The following ADAMTS18 variants were observed in gnomAD, a reference collection of about 807,000 sequenced individuals.
The protein encoded by ADAMTS18 is A disintegrin and metalloproteinase with thrombospondin motifs 18.
A neutral mutation model predicts 165.9 loss-of-function variants in ADAMTS18; 157 were observed. The observed-to-expected ratio is 0.95, with a 90% CI of 0.83 to 1.08. The LOEUF is 1.08. Among genes scored for constraint, ADAMTS18 ranks in the 50% least tolerant of loss-of-function variants. The pLI, the probability that ADAMTS18 is intolerant of heterozygous loss-of-function variation, is 0.00. For synonymous variants in ADAMTS18, 782 were observed against 578.2 expected (o/e 1.35, Z -5.06); for missense variants, 2,040 against 1,534.0 (o/e 1.33, Z -5.51).
Position 77,434,414 on chromosome 16 carries a change from G to C in ADAMTS18, c.178+4C>G. 5.1e-6 allele frequency: 8 copies of C among 1,568,026 alleles called. No homozygotes were observed. The highest frequency in any genetic ancestry group is 6.9e-6 in the Non-Finnish European group (8 of 1,163,220). On this transcript the variant is annotated splice_donor_region_variant and intron_variant, in intron 2 of 22. Transcript: ENST00000282849. The stretch of plus-strand genomic sequence containing the variant: ...CTTCTTGGGGATGGGGGGCAAATAC[G>C]AACCATCATTTAATCCGCTGGCGCC...
intron 16 of ADAMTS18, among the ~76,000 whole-genome samples, chr16:77,307,120 C>T (rs891512874): frequency 7.9e-5 from 12 of 152,162 alleles, no homozygotes; most frequent in African/African-American, 2.9e-4. Context: ...AATCAATTTT[C>T]CCCTGGATTT....
chr16:77,364,087 T>C (rs1597174550), intron 5 of ADAMTS18, 101 bp downstream of exon 5: 2 of 1,478,676 alleles, frequency 1.4e-6, no homozygotes, highest in East Asian at 2.3e-5. Flanking sequence ...TGCAATTACA[T>C]TTGCACCGAC....
intron 12 of ADAMTS18, among the ~76,000 whole-genome samples, chr16:77,332,812 T>A (rs1369650204): frequency 6.6e-6 from 1 of 152,220 alleles, no homozygotes; most frequent in Non-Finnish European, 1.5e-5. Context: ...CACAGCTGAT[T>A]TGACTAGTTG....
At chr16:77,402,520 T>G (rs2057344280) in intron 3 of ADAMTS18, among the ~76,000 whole-genome samples, 2 of 152,170 alleles carry the variant, frequency 1.3e-5, no homozygotes, top group Non-Finnish European at 2.9e-5. Context: ...TGAATCTACT[T>G]GTAAGCGGTG....
rs113600553 is a variant in ADAMTS18 at position 77,326,781 on chromosome 16, C to T, written c.1860-743G>A. 6.8e-3 allele frequency among the ~76,000 whole-genome samples: 1,030 copies of T among 152,282 alleles called. 10 individuals carry two copies. The highest frequency in any genetic ancestry group is 0.011 in the Non-Finnish European group (746 of 68,024). On this transcript the variant is annotated intron_variant, in intron 12 of 22. Transcript: ENST00000282849. ...AAAGTTTTGTTATACAGTTAAATTG[C>T]GTCTCGCAGGGGTTTGGTATACAGA...
chr16:77,330,929 G>C (rs1009026086), intron 12 of ADAMTS18, among the ~76,000 whole-genome samples: 1 of 152,020 alleles, frequency 6.6e-6, no homozygotes, highest in African/African-American at 2.4e-5. Flanking sequence ...CTTGAAATAG[G>C]GAGAAAAAAC....
intron 3 of ADAMTS18, among the ~76,000 whole-genome samples, chr16:77,385,435 C>T (rs1171646538): frequency 3.3e-5 from 5 of 152,190 alleles, no homozygotes; most frequent in East Asian, 1.9e-4. Context: ...GCATCTACCA[C>T]ATTTGCAAGA....
chr16:77,284,595 G>C (rs2055212506), intron 22 of ADAMTS18, among the ~76,000 whole-genome samples: 2 of 152,106 alleles, frequency 1.3e-5, no homozygotes, highest in African/African-American at 4.8e-5. Context: ...GCAGGATTTA[G>C]ATGCCAAGAA....
intron 2 of ADAMTS18, chr16:77,432,428 C>G (rs2057750472): frequency 6.6e-6 from 1 of 152,136 alleles, no homozygotes; most frequent in Non-Finnish European, 1.5e-5. Flanking sequence ...ACCACTGCTC[C>G]CTAGAGCAGT....
chr16:77,286,309 C>T (rs981914497), intron 22 of ADAMTS18, among the ~76,000 whole-genome samples: 6 of 152,154 alleles, frequency 3.9e-5, no homozygotes, highest in African/African-American at 9.7e-5. Context: ...CTCACCCCTT[C>T]ACCCCTGCTA....
intron 16 of ADAMTS18, among the ~76,000 whole-genome samples, chr16:77,319,420 A>C (rs528461766): frequency 6.6e-6 from 1 of 152,218 alleles, no homozygotes; most frequent in South Asian, 2.1e-4. Context: ...ACACTTTGAA[A>C]TTTAGCCTAT....
chr16:77,422,969 G>A (rs1379773323), intron 3 of ADAMTS18, among the ~76,000 whole-genome samples: 2 of 152,180 alleles, frequency 1.3e-5, no homozygotes, highest in Non-Finnish European at 2.9e-5. Flanking sequence ...GTCCTGTTCA[G>A]ACACCTTGAG....
chr16:77,325,790 G>A lies in ADAMTS18; in HGVS notation c.2032+76C>T, dbSNP rs886160903. 6.3e-6 allele frequency: 9 copies of A among 1,434,604 alleles called. No individual in the cohort carries two copies. The East Asian group carries it at 2.1e-4, about 33-fold the overall frequency. 88.9% of individuals were successfully genotyped at this position (1,434,604 alleles called of 1,614,324 possible). A position where few individuals can be genotyped will look rare whatever the true frequency, so the allele number is the denominator to read the frequency against. On this transcript the variant is annotated intron_variant, in intron 13 of 22. Coordinates refer to ENST00000282849, the MANE Select transcript of ADAMTS18 (RefSeq NM_199355.4). ...ACATTCAAACTCTTTGATACAAGCA[G>A]CAATTTCTTCTGTATTGGTCAATCA...
At chr16:77,385,762 G>C (rs1397221129) in intron 3 of ADAMTS18, among the ~76,000 whole-genome samples, 2 of 152,172 alleles carry the variant, frequency 1.3e-5, no homozygotes, top group East Asian at 1.9e-4. Flanking sequence ...CCCAGGGGTG[G>C]GGTGGAAGAG....
intron 17 of ADAMTS18, among the ~76,000 whole-genome samples, chr16:77,297,639 T>G (rs1229644343): frequency 6.6e-6 from 1 of 152,082 alleles, no homozygotes; most frequent in East Asian, 1.9e-4. Flanking sequence ...ACATGTAGAT[T>G]ATTGGTTTTC....
In ADAMTS18 at chr16:77,370,812, TAC is replaced by T. The variant is rs767086556; in HGVS notation, c.496-3091_496-3090del. On this transcript the variant is annotated intron_variant, in intron 3 of 22. Coordinates refer to ENST00000282849, the MANE Select transcript of ADAMTS18 (RefSeq NM_199355.4). ...TACGATATATATATATATATACATA[TAC>T]ACACACACACAAATCAATTTAACCA... Among the ~76,000 whole-genome samples the T allele has an allele frequency of 4.3e-3, 651 of 151,790 alleles. 1 individual carries two copies. The highest frequency in any genetic ancestry group is 6.1e-3 in the Non-Finnish European group (415 of 67,906).
At chr16:77,284,353 C>T (rs1160194589) in intron 22 of ADAMTS18, among the ~76,000 whole-genome samples, 19 of 152,050 alleles carry the variant, frequency 1.2e-4, no homozygotes, top group Non-Finnish European at 1.8e-4. Flanking sequence ...GTCTCAAATT[C>T]CTGAGCTCAA....
intron 16 of ADAMTS18, among the ~76,000 whole-genome samples, chr16:77,312,954 A>T (rs1313707611): frequency 6.6e-6 from 1 of 152,204 alleles, no homozygotes; most frequent in African/African-American, 2.4e-5. Flanking sequence ...GTATATACCC[A>T]AAGGATTATA....
At chr16:77,345,546 A>G (rs563406990) in intron 10 of ADAMTS18, among the ~76,000 whole-genome samples, 1 of 152,274 alleles carries the variant, frequency 6.6e-6, no homozygotes, top group African/African-American at 2.4e-5. Context: ...CCTCCTCACA[A>G]GCCTCAAAGG....
Sources: gnomAD v4.1 joint callset for allele counts (sites outside exome capture counted in the v4.1 genomes callset) on GRCh38, gnomAD v4.1.1 for gene constraint, MANE v1.5 for transcripts, NCBI Gene and HGNC (gene_info 2026-07-23, HGNC 2026-07-21) for gene names.